NEK11: variants seen among roughly 807,000 people sequenced by gnomAD.
NEK11 encodes NIMA related kinase 11, also known as serine/threonine-protein kinase Nek11.
NEK11 carries 72 observed loss-of-function variants against 80.7 expected under a neutral mutation model. The ratio of observed to expected loss-of-function variants is 0.89; its 90% CI spans 0.74 to 1.08. The LOEUF (loss-of-function observed/expected upper bound fraction) is 1.08. NEK11 is among the 50% of genes least tolerant of loss of function. The pLI, the probability that NEK11 is intolerant of heterozygous loss-of-function variation, is 0.00. For missense variants in NEK11, 764 were observed against 763.6 expected (o/e 1.00, Z -0.01); for synonymous variants, 251 against 260.7 (o/e 0.96, Z 0.36).
chr3:131,244,190 A>G (rs183982206), intron 16 of NEK11, among the ~76,000 whole-genome samples: 2 of 152,222 alleles, frequency 1.3e-5, no homozygotes, highest in East Asian at 3.9e-4. Flanking sequence ...TGGCAGGGTA[A>G]AAACAAACAA....
At chr3:131,080,027 G>A (rs1391966539) in intron 3 of NEK11, among the ~76,000 whole-genome samples, 2 of 105,412 alleles carry the variant, frequency 1.9e-5, no homozygotes, top group African/African-American at 3.2e-5. Context: ...ATATATATAT[G>A]TGTGTGTGTG....
chr3:131,291,148 T>C (rs563423087), intron 17 of NEK11, among the ~76,000 whole-genome samples: 86 of 152,356 alleles, frequency 5.6e-4, no homozygotes, highest in Middle Eastern at 3.4e-3. Flanking sequence ...TCCACAGTTT[T>C]GCCTTTTCTG....
intron 14 of NEK11, among the ~76,000 whole-genome samples, chr3:131,198,744 C>T (rs1030721239): frequency 6.6e-6 from 1 of 152,116 alleles, no homozygotes; most frequent in African/African-American, 2.4e-5. Flanking sequence ...AGTCTTGTCC[C>T]GTTGGCAAGC....
At chr3:131,036,312 T>C (rs1189124780) in intron 3 of NEK11, among the ~76,000 whole-genome samples, 1 of 152,244 alleles carries the variant, frequency 6.6e-6, no homozygotes, top group Non-Finnish European at 1.5e-5. Context: ...TTGAGTCTGG[T>C]ACAGTGATTC....
Position 131,204,810 on chromosome 3 carries a change from A to G in NEK11, c.1400-23718A>G, listed in dbSNP as rs78488213. On this transcript the variant is annotated intron_variant, in intron 14 of 17. Transcript: ENST00000383366. ...TGAAAATAATTTGATGCAAATCAGT[A>G]GGCATGCCTTGGGCTTTTTCATTGT... Among the ~76,000 whole-genome samples, 394 of 152,222 alleles carry G rather than the reference A, an allele frequency of 2.6e-3. 12 individuals are homozygous for G. In the East Asian group the frequency reaches 0.063, roughly 24 times the overall value.
intron 17 of NEK11, among the ~76,000 whole-genome samples, chr3:131,348,660 C>T (rs559655701): frequency 4.7e-5 from 7 of 150,448 alleles, no homozygotes; most frequent in Non-Finnish European, 8.9e-5. Flanking sequence ...AAATAGTCAA[C>T]GGTGAAATAA....
intron 17 of NEK11, among the ~76,000 whole-genome samples, chr3:131,274,228 G>A (rs1337655936): frequency 9.4e-5 from 14 of 148,898 alleles, no homozygotes; most frequent in Middle Eastern, 3.4e-3. Context: ...TTGTTCTTGC[G>A]ATAGTTTACT....
intron 17 of NEK11, among the ~76,000 whole-genome samples, chr3:131,281,324 A>G (rs530272131): frequency 1.3e-5 from 2 of 152,316 alleles, no homozygotes; most frequent in South Asian, 2.1e-4. Context: ...AAATATATTC[A>G]GATAAATGAA....
chr3:131,144,913 T>C (rs1284255180), intron 7 of NEK11, among the ~76,000 whole-genome samples: 2 of 152,212 alleles, frequency 1.3e-5, no homozygotes, highest in East Asian at 3.8e-4. Flanking sequence ...CAGAGAGTAC[T>C]GTAGTCTTAT....
At position 131,155,121 on chromosome 3, in the gene NEK11, T is replaced by C; in HGVS notation, c.962T>C (p.Met321Thr). 6.3e-7 allele frequency: 1 copy of C among 1,588,586 alleles called. No homozygotes were observed. Among genetic ancestry groups the C allele is most frequent in the Non-Finnish European group, 8.6e-7 (1 of 1,157,460 alleles). ...GAGGCTGCTCATATAATTAATGCCATGTAAGTAATTGCTTTGTTTTTAAAA... is the reference window on the plus strand; with the variant it reads ...GAGGCTGCTCATATAATTAATGCCACGTAAGTAATTGCTTTGTTTTTAAAA... ...QKEAAHIINA[M>T]QKRIHLQTLR... Residue 321 changes from methionine (M) to threonine (T), a missense_variant and splice_region_variant, in exon 10 of 18, where the codon ATG becomes ACG. Physicochemically the swap from Met to Thr is moderately conservative, Grantham distance 81 (BLOSUM62 -1). Coordinates refer to ENST00000383366, the MANE Select transcript of NEK11 (RefSeq NM_024800.5).
chr3:131,294,653 G>A (rs2096575102), intron 17 of NEK11, among the ~76,000 whole-genome samples: 1 of 152,004 alleles, frequency 6.6e-6, no homozygotes, highest in Non-Finnish European at 1.5e-5. Flanking sequence ...CTGAAAGAAG[G>A]ATTTTGGAAG....
rs180931975 is a variant in NEK11 at position 131,225,563 on chromosome 3, T to C, written c.1400-2965T>C. Among the ~76,000 whole-genome samples the C allele has an allele frequency of 1.7e-3, 263 of 152,374 alleles. 1 individual carries two copies. The highest frequency in any genetic ancestry group is 4.8e-3 in the African/African-American group (198 of 41,594). ...CAATTCCATGAGATGAATATTATCA[T>C]CTTTATTTTATAGATGAGAAAACTG... On this transcript the variant is annotated intron_variant, in intron 14 of 17. Transcript: ENST00000383366.
chr3:131,284,712 G>A (rs1312670536), intron 17 of NEK11, among the ~76,000 whole-genome samples: 1 of 152,206 alleles, frequency 6.6e-6, no homozygotes, highest in Non-Finnish European at 1.5e-5. Context: ...GACTAGACTG[G>A]CTGAGTCTTC....
chr3:131,135,434 A>G (rs2085377609), intron 7 of NEK11, among the ~76,000 whole-genome samples: 1 of 152,210 alleles, frequency 6.6e-6, no homozygotes, highest in Admixed American at 6.5e-5. Context: ...TCACAAAGGT[A>G]TGTATAGAGG....
chr3:131,201,562 T>C (rs2094227887), intron 14 of NEK11, among the ~76,000 whole-genome samples: 1 of 152,208 alleles, frequency 6.6e-6, no homozygotes, highest in South Asian at 2.1e-4. Context: ...CATTTTCTTG[T>C]AGTAGTTTAT....
chr3:131,280,172 C>T (rs1206844445), intron 17 of NEK11, among the ~76,000 whole-genome samples: 2 of 152,172 alleles, frequency 1.3e-5, no homozygotes, highest in Non-Finnish European at 2.9e-5. Context: ...CATCTGGGCC[C>T]TAAGAAACAG....
chr3:131,132,054 C>A (rs528652663), intron 5 of NEK11, among the ~76,000 whole-genome samples: 2 of 152,098 alleles, frequency 1.3e-5, no homozygotes, highest in Non-Finnish European at 2.9e-5. Flanking sequence ...GATGTGAGAG[C>A]AGAAATGGTA....
intron 16 of NEK11, 59 bp from the exon 17 acceptor site, chr3:131,273,419 T>G: frequency 7.5e-7 from 1 of 1,332,788 alleles, no homozygotes; most frequent in Non-Finnish European, 1.1e-6. Context: ...CCCTTGAACA[T>G]CGCCTTGAAG....
chr3:131,323,153 T>A (rs1032757369), intron 17 of NEK11, among the ~76,000 whole-genome samples: 1 of 152,136 alleles, frequency 6.6e-6, no homozygotes, highest in Non-Finnish European at 1.5e-5. Context: ...AACAAACCAT[T>A]GCTCAAAAAT....
Sources: allele counts gnomAD v4.1 joint callset (sites outside exome capture counted in the v4.1 genomes callset), GRCh38; gene constraint gnomAD v4.1.1; transcripts MANE v1.5; gene names NCBI Gene and HGNC (gene_info 2026-07-23, HGNC 2026-07-21).